The following RPS6KA3 variants were observed in gnomAD, a reference collection of about 807,000 sequenced individuals.
The protein encoded by RPS6KA3 is ribosomal protein S6 kinase alpha-3.
In RPS6KA3, 4 loss-of-function variants were observed where a neutral mutation model predicts 67.2. That is an observed-to-expected ratio of 0.06 (90% CI 0.03 to 0.14). The LOEUF (loss-of-function observed/expected upper bound fraction) is 0.14, where lower values mean the gene tolerates loss of function less well. RPS6KA3 is among the 10% of genes least tolerant of loss of function. The pLI is 1.00. For synonymous variants in RPS6KA3, 182 were observed against 183.7 expected (o/e 0.99, Z 0.07); for missense variants, 204 against 559.0 (o/e 0.36, Z 6.40).
chrX:20,211,711 A>G (rs1255237026), intron 2 of RPS6KA3, among the ~76,000 whole-genome samples: 3 of 111,370 alleles, frequency 2.7e-5, no homozygotes, highest in Non-Finnish European at 5.7e-5. Context: ...TAACCAAGTT[A>G]ATGGGCTGGA....
intron 2 of RPS6KA3, among the ~76,000 whole-genome samples, chrX:20,218,136 AGCT>A (rs1479345731): frequency 1.8e-5 from 2 of 112,181 alleles, no homozygotes; most frequent in African/African-American, 6.5e-5. Flanking sequence ...CTCTTTAAAG[AGCT>A]GCTGGATAGC....
intron 1 of RPS6KA3, among the ~76,000 whole-genome samples, chrX:20,255,823 A>C: frequency 1.1e-5 from 1 of 94,568 alleles, no homozygotes; most frequent in African/African-American, 3.9e-5. Context: ...AAAAAAAGGA[A>C]TTAGGCCGGA....
chrX:20,266,588 C>CAGCCA lies in RPS6KA3; in HGVS notation c.44_45insTGGCT (p.Glu16GlyfsTer43). On this transcript the variant is annotated frameshift_variant, in exon 1 of 22. Coordinates refer to ENST00000379565, the MANE Select transcript of RPS6KA3 (RefSeq NM_004586.3). LOFTEE classifies it high-confidence loss of function. The stretch of plus-strand genomic sequence containing the variant: ...CCTCAGCGCTGTCGGACGGGCTCTC[C>CAGCCA]ACAGCCATCTTCTGCCACGGGTCCG... 8.7e-7 allele frequency: 1 copy of CAGCCA among 1,153,881 alleles called. No individual in the cohort carries two copies. The highest frequency in any genetic ancestry group is 1.2e-6 in the Non-Finnish European group (1 of 869,187).
chrX:20,262,186 C>G (rs969565104), intron 1 of RPS6KA3, among the ~76,000 whole-genome samples: 1 of 111,783 alleles, frequency 8.9e-6, no homozygotes, highest in African/African-American at 3.3e-5. Flanking sequence ...CACAGCCTGG[C>G]AGATCACATG....
In RPS6KA3 at chrX:20,240,285, C is replaced by CTT. The variant is rs778713587; in HGVS notation, c.70-5473_70-5472dup. Among the ~76,000 whole-genome samples, 361 of 54,359 alleles carry CTT rather than the reference C, an allele frequency of 6.6e-3. 13 individuals are homozygous for CTT. The highest frequency in any genetic ancestry group is 0.032 in the African/African-American group (338 of 10,556). 47.2% of individuals were successfully genotyped at this position (54,359 alleles called of 115,157 possible). ...GCTGTAGGAATGAACAAGGACCATA[C>CTT]TTTTTTTTTTTTTTTTTTTTTTTTT... On this transcript the variant is annotated intron_variant, in intron 1 of 21. Transcript: ENST00000379565.
intron 2 of RPS6KA3, among the ~76,000 whole-genome samples, chrX:20,210,364 T>C (rs941300179): frequency 8.9e-6 from 1 of 112,106 alleles, no homozygotes; most frequent in African/African-American, 3.2e-5. Flanking sequence ...TATAATGTTA[T>C]TTTTTTCTAG....
intron 1 of RPS6KA3, among the ~76,000 whole-genome samples, chrX:20,236,262 C>T (rs1325838875): frequency 2.7e-5 from 3 of 111,619 alleles, no homozygotes; most frequent in Admixed American, 1.9e-4. Flanking sequence ...ACAATGAATA[C>T]GTATTATTTG....
chrX:20,202,135 A>G (rs1190677342), intron 4 of RPS6KA3, among the ~76,000 whole-genome samples: 1 of 108,532 alleles, frequency 9.2e-6, no homozygotes, highest in Non-Finnish European at 1.9e-5. Context: ...ACCCAACACC[A>G]TGCCCGGCTA....
intron 2 of RPS6KA3, among the ~76,000 whole-genome samples, chrX:20,213,158 A>C (rs886913616): frequency 8.9e-6 from 1 of 112,074 alleles, no homozygotes; most frequent in Non-Finnish European, 1.9e-5. Flanking sequence ...TTGTCAACCC[A>C]GGTTATTTCT....
chrX:20,255,535 C>T (rs1229267428), intron 1 of RPS6KA3, among the ~76,000 whole-genome samples: 2 of 109,831 alleles, frequency 1.8e-5, no homozygotes, highest in African/African-American at 6.6e-5. Flanking sequence ...GCCTGTAATC[C>T]CAGCATTTTG....
intron 4 of RPS6KA3, 67 bp downstream of exon 4, chrX:20,203,955 T>G: frequency 9.0e-6 from 7 of 780,682 alleles, no homozygotes; most frequent in Non-Finnish European, 1.4e-5. Context: ...AGGAGTCCCA[T>G]GAGCTCTATT....
intron 2 of RPS6KA3, among the ~76,000 whole-genome samples, chrX:20,216,980 G>A (rs1445036497): frequency 8.9e-6 from 1 of 111,886 alleles, no homozygotes; most frequent in Non-Finnish European, 1.9e-5. Flanking sequence ...CAATTTACCT[G>A]GATCTCAAAG....
Position 20,214,720 on chromosome X carries a change from C to T in RPS6KA3, c.127-5316G>A, listed in dbSNP as rs957878105. 7.1e-4 allele frequency among the ~76,000 whole-genome samples: 79 copies of T among 111,650 alleles called. 1 individual carries two copies. The highest frequency in any genetic ancestry group is 4.6e-3 in the Middle Eastern group (1 of 217). Reference sequence around the variant, plus strand: ...CATATCTTTGATAATTTCCTTCCACCCATTTTTCAGGGCTTCTCTTTTTGT... The same window carrying T: ...CATATCTTTGATAATTTCCTTCCACTCATTTTTCAGGGCTTCTCTTTTTGT... On this transcript the variant is annotated intron_variant, in intron 2 of 21. Coordinates refer to ENST00000379565, the MANE Select transcript of RPS6KA3 (RefSeq NM_004586.3).
intron 4 of RPS6KA3, 117 bp from the exon 5 acceptor site, chrX:20,195,262 T>C: frequency 2.2e-6 from 1 of 461,675 alleles, no homozygotes; most frequent in Non-Finnish European, 3.8e-6. Context: ...AAAATGTGAA[T>C]GTTTTATCAT....
At chrX:20,164,230 G>A (rs1228235374) in intron 18 of RPS6KA3, among the ~76,000 whole-genome samples, 2 of 111,056 alleles carry the variant, frequency 1.8e-5, no homozygotes, top group African/African-American at 3.3e-5. Flanking sequence ...TTCCTGACAT[G>A]GGGAGAGAAG....
At chrX:20,157,838 T>C (rs1330675246) in intron 20 of RPS6KA3, among the ~76,000 whole-genome samples, 2 of 111,233 alleles carry the variant, frequency 1.8e-5, no homozygotes, top group Non-Finnish European at 3.8e-5. Context: ...GTTAAGGAAC[T>C]GGCAGCAGTA....
Position 20,151,754 on chromosome X carries a change from A to G in RPS6KA3, c.*3644T>C, listed in dbSNP as rs1164385021. The G allele has an allele frequency of 8.9e-6, 1 of 112,281 alleles. No homozygotes were observed. The allele number at this position is 112,281 out of a possible 1,213,427, so 9.3% of individuals were successfully genotyped here. A position where few individuals can be genotyped will look rare whatever the true frequency, so the allele number is the denominator to read the frequency against. ...AAAGGCCAGGAAGTAGAGAATATCA[A>G]AGCCATGCTGAGATGGGTATTGCTG... On this transcript the variant is annotated 3_prime_UTR_variant, in exon 22 of 22. Coordinates refer to ENST00000379565, the MANE Select transcript of RPS6KA3 (RefSeq NM_004586.3).
chrX:20,190,828 C>T (rs1321106267), intron 7 of RPS6KA3, among the ~76,000 whole-genome samples: 1 of 110,313 alleles, frequency 9.1e-6, no homozygotes, highest in Non-Finnish European at 1.9e-5. Flanking sequence ...TGAGCATTTC[C>T]TCTCTTCCTG....
chrX:20,196,993 C>T (rs1287453666), intron 4 of RPS6KA3, among the ~76,000 whole-genome samples: 1 of 111,788 alleles, frequency 8.9e-6, no homozygotes, highest in African/African-American at 3.3e-5. Context: ...GCTTGTGCTA[C>T]CATACCTGGC....
Sources: allele counts gnomAD v4.1 joint callset (sites outside exome capture counted in the v4.1 genomes callset), GRCh38; gene constraint gnomAD v4.1.1; transcripts MANE v1.5; gene names NCBI Gene and HGNC (gene_info 2026-07-23, HGNC 2026-07-21).